GNAO1: variants seen among roughly 807,000 people sequenced by gnomAD.
GNAO1 encodes the protein G protein subunit alpha o1.
For synonymous variants in GNAO1, 164 were observed against 180.7 expected (o/e 0.91, Z 0.74); for missense variants, 166 against 478.7 (o/e 0.35, Z 6.10).
At chr16:56,236,473 G>C (rs2036638160) in intron 2 of GNAO1, among the ~76,000 whole-genome samples, 6 of 152,128 alleles carry the variant, frequency 3.9e-5, no homozygotes, top group African/African-American at 1.4e-4. Flanking sequence ...GACATTTCCA[G>C]GTATGACTTC....
chr16:56,343,228 C>T (rs1162379511), intron 6 of GNAO1, among the ~76,000 whole-genome samples: 1 of 151,926 alleles, frequency 6.6e-6, no homozygotes, highest in African/African-American at 2.4e-5. Context: ...ATGGCTCACG[C>T]CTATAATCCC....
At chr16:56,298,877 T>C (rs1204301310) in intron 3 of GNAO1, among the ~76,000 whole-genome samples, 1 of 147,508 alleles carries the variant, frequency 6.8e-6, no homozygotes, top group East Asian at 2.0e-4. Context: ...ATCATGCCAC[T>C]GCACTCCAGC....
intron 2 of GNAO1, among the ~76,000 whole-genome samples, chr16:56,219,096 C>A (rs1387996504): frequency 6.6e-6 from 1 of 152,146 alleles, no homozygotes; most frequent in African/African-American, 2.4e-5. Flanking sequence ...AGCCATTGCA[C>A]CCTAGGAATA....
chr16:56,301,376 G>A (rs2143584436), intron 3 of GNAO1, among the ~76,000 whole-genome samples: 1 of 152,326 alleles, frequency 6.6e-6, no homozygotes, highest in East Asian at 1.9e-4. Flanking sequence ...GGAGCCGGAA[G>A]CACAGACTTC....
intron 2 of GNAO1, among the ~76,000 whole-genome samples, chr16:56,268,834 C>T (rs1199527228): frequency 1.3e-5 from 2 of 152,190 alleles, no homozygotes; most frequent in African/African-American, 4.8e-5. Context: ...CTGTCCAGAT[C>T]CTGGTCTCGT....
At chr16:56,210,691 T>A (rs1228366674) in intron 2 of GNAO1, among the ~76,000 whole-genome samples, 6 of 152,268 alleles carry the variant, frequency 3.9e-5, no homozygotes, top group Admixed American at 3.9e-4. Context: ...TCTTTTCATA[T>A]GCTTATTTGC....
intron 2 of GNAO1, among the ~76,000 whole-genome samples, chr16:56,232,141 A>G (rs914708246): frequency 6.6e-6 from 1 of 152,074 alleles, no homozygotes; most frequent in Non-Finnish European, 1.5e-5. Flanking sequence ...TTCCTTTACT[A>G]TTGCTCATCT....
chr16:56,278,790 A>G (rs1252197038), intron 3 of GNAO1, among the ~76,000 whole-genome samples: 1 of 152,154 alleles, frequency 6.6e-6, no homozygotes, highest in Non-Finnish European at 1.5e-5. Context: ...AGTTCCAGAC[A>G]AGCACCCAGG....
intron 3 of GNAO1, among the ~76,000 whole-genome samples, chr16:56,328,168 G>C (rs1467832249): frequency 6.6e-6 from 1 of 152,192 alleles, no homozygotes; most frequent in African/African-American, 2.4e-5. Flanking sequence ...TCCACCCTGT[G>C]TAAGAAGTAT....
At chr16:56,214,940 C>T (rs2036425197) in intron 2 of GNAO1, among the ~76,000 whole-genome samples, 1 of 152,254 alleles carries the variant, frequency 6.6e-6, no homozygotes, top group Non-Finnish European at 1.5e-5. Context: ...CTGCCCTTCA[C>T]TGCCATGCTA....
chr16:56,284,732 AG>A (rs1171264467), intron 3 of GNAO1, among the ~76,000 whole-genome samples: 2 of 152,312 alleles, frequency 1.3e-5, no homozygotes, highest in African/African-American at 2.4e-5. Flanking sequence ...CAGTGCTAGC[AG>A]GGGTCAGTGA....
intron 2 of GNAO1, among the ~76,000 whole-genome samples, chr16:56,210,526 A>T (rs1450630793): frequency 1.3e-5 from 2 of 152,242 alleles, no homozygotes; most frequent in Non-Finnish European, 2.9e-5. Flanking sequence ...ATCATCTTGC[A>T]TTTCTACCAG....
intron 2 of GNAO1, among the ~76,000 whole-genome samples, chr16:56,195,006 G>A (rs1430187472): frequency 6.6e-6 from 1 of 151,248 alleles, no homozygotes; most frequent in African/African-American, 2.4e-5. Flanking sequence ...GGGGGAAAAT[G>A]AAGTGAGTGA....
intron 2 of GNAO1, among the ~76,000 whole-genome samples, chr16:56,203,365 C>G (rs57555468): frequency 0.012 from 1,818 of 152,212 alleles, 42 homozygotes; most frequent in African/African-American, 0.042. Flanking sequence ...AATCATCATC[C>G]TTCTCTGGAA....
chr16:56,292,044 C>T (rs2037237950), intron 3 of GNAO1, among the ~76,000 whole-genome samples: 1 of 152,210 alleles, frequency 6.6e-6, no homozygotes, highest in Non-Finnish European at 1.5e-5. Flanking sequence ...TCGGGACTTA[C>T]ACTCTTTTGG....
intron 2 of GNAO1, among the ~76,000 whole-genome samples, chr16:56,205,724 A>G (rs554357336): frequency 1.3e-5 from 2 of 152,324 alleles, no homozygotes; most frequent in East Asian, 3.9e-4. Context: ...GTTTCTAGGA[A>G]TAGATTCTTT....
intron 3 of GNAO1, among the ~76,000 whole-genome samples, chr16:56,304,671 C>A (rs1433885919): frequency 6.6e-6 from 1 of 152,196 alleles, no homozygotes; most frequent in Non-Finnish European, 1.5e-5. Context: ...ACATTCCAAA[C>A]CAGGTAACTT....
Position 56,351,166 on chromosome 16 carries a change from A to C in GNAO1, c.724-218A>C, listed in dbSNP as rs1237657864. On this transcript the variant is annotated intron_variant, in intron 6 of 8. Transcript: ENST00000262493. This position sits in a 1 kb window ranked among gnomAD's most constrained non-coding sequence, Gnocchi z 6.1. ...GAGAGCCATGGCTGGTGTCCAGTCC[A>C]GTCTCTGCCTCTGGCCCCGACATGA... is the stretch of plus-strand genomic sequence containing the variant. Among the ~76,000 whole-genome samples the C allele has an allele frequency of 6.6e-6, 1 of 152,164 alleles. No individual in the cohort carries two copies. Among genetic ancestry groups the C allele is most frequent in the Non-Finnish European group, 1.5e-5 (1 of 68,022 alleles).
Position 56,191,810 on chromosome 16 carries a change from G to A in GNAO1, c.-426G>A. The A allele has an allele frequency of 4.6e-6, 1 of 217,298 alleles. No homozygotes were observed. Among genetic ancestry groups the A allele is most frequent in the South Asian group, 7.2e-5 (1 of 13,826 alleles). The allele number at this position is 217,298 out of a possible 1,614,324, so 13.5% of individuals were successfully genotyped here. On this transcript the variant is annotated 5_prime_UTR_variant, in exon 1 of 9. Transcript: ENST00000262493. This position sits in a 1 kb window ranked among gnomAD's most constrained non-coding sequence, Gnocchi z 4.7. Reference sequence around the variant, plus strand: ...GCCGCCGCCGCCTCCTCCTCCTCCGGCAGCCGCGGCAGCAGGACCCACCCT... The same window carrying A: ...GCCGCCGCCGCCTCCTCCTCCTCCGACAGCCGCGGCAGCAGGACCCACCCT...
Sources: gnomAD v4.1 joint callset for allele counts (sites outside exome capture counted in the v4.1 genomes callset) on GRCh38, gnomAD v4.1.1 for gene constraint, Gnocchi (gnomAD v3.1) non-coding constraint, MANE v1.5 for transcripts, NCBI Gene and HGNC (gene_info 2026-07-23, HGNC 2026-07-21) for gene names.